The following SEPTIN6 variants were observed in gnomAD, a reference collection of about 807,000 sequenced individuals.
The protein encoded by SEPTIN6 is septin 6, also known as septin-6.
A neutral mutation model predicts 33.6 loss-of-function variants in SEPTIN6; 8 were observed. The ratio of observed to expected loss-of-function variants is 0.24; its 90% CI spans 0.14 to 0.43. SEPTIN6 has a LOEUF of 0.43. Among genes scored for constraint, SEPTIN6 ranks in the 20% least tolerant of loss-of-function variants. SEPTIN6 has a pLI of 1.00. For missense variants in SEPTIN6, 250 were observed against 340.8 expected (o/e 0.73, Z 2.10); for synonymous variants, 131 against 140.0 (o/e 0.94, Z 0.45).
chrX:119,677,641 A>C (rs2054862839), intron 1 of SEPTIN6, among the ~76,000 whole-genome samples: 1 of 112,326 alleles, frequency 8.9e-6, no homozygotes, highest in South Asian at 3.6e-4. Flanking sequence ...GTCCATAATA[A>C]GGGCACATTT....
intron 2 of SEPTIN6, among the ~76,000 whole-genome samples, chrX:119,668,726 G>A (rs190849030): frequency 2.1e-4 from 23 of 111,922 alleles, no homozygotes; most frequent in South Asian, 1.5e-3. Flanking sequence ...GTTGAAGCAG[G>A]AGGATCAGTT....
intron 7 of SEPTIN6, among the ~76,000 whole-genome samples, chrX:119,634,692 T>C (rs939411678): frequency 1.6e-4 from 18 of 111,718 alleles, no homozygotes; most frequent in Non-Finnish European, 2.6e-4. Flanking sequence ...AAGGATAGAC[T>C]GTCCATCAAT....
intron 3 of SEPTIN6, among the ~76,000 whole-genome samples, chrX:119,658,375 TC>T (rs2054488738): frequency 8.9e-6 from 1 of 112,048 alleles, no homozygotes; most frequent in Non-Finnish European, 1.9e-5. Context: ...TCTACCTCAT[TC>T]TATTAAACTG....
intron 1 of SEPTIN6, among the ~76,000 whole-genome samples, chrX:119,677,729 C>T (rs751832047): frequency 5.3e-5 from 6 of 112,596 alleles, no homozygotes; most frequent in Non-Finnish European, 1.1e-4. Context: ...TCCCAGATAG[C>T]CCCTTCACAC....
In SEPTIN6 at chrX:119,650,097, A is replaced by G; in HGVS notation, c.530T>C (p.Val177Ala). The G allele has an allele frequency of 8.3e-7, 1 of 1,210,022 alleles. No individual in the cohort carries two copies. Among genetic ancestry groups the G allele is most frequent in the Non-Finnish European group, 1.1e-6 (1 of 894,378 alleles). The change falls in exon 5 of 11, where the codon GTG (valine) becomes GCG (alanine). Residue 177 changes from valine (V) to alanine (A), a missense_variant and splice_region_variant. Val to Ala is a moderately conservative substitution (Grantham distance 64). Transcript: ENST00000394610. ...TTTGGCAATGATGGGGATGATGTTC[A>G]CCTAGGGAGAGGAGGGGCAAAGTGG... ...LVTMKKLDSKVNIIPIIAKAD... is the reference protein window; with the variant it reads ...LVTMKKLDSKANIIPIIAKAD...
chrX:119,620,806 C>T (rs1569417442), intron 10 of SEPTIN6, among the ~76,000 whole-genome samples: 1 of 108,702 alleles, frequency 9.2e-6, no homozygotes, highest in Non-Finnish European at 1.9e-5. Flanking sequence ...TTTTTAGTAG[C>T]GACGGGGGTT....
At chrX:119,663,369 G>C in intron 3 of SEPTIN6, 113 bp downstream of exon 3, 1 of 625,543 alleles carries the variant, frequency 1.6e-6, no homozygotes, top group Non-Finnish European at 2.5e-6. Context: ...ACCATTCTGG[G>C]AGGACAGGCT....
intron 3 of SEPTIN6, among the ~76,000 whole-genome samples, chrX:119,655,348 T>C (rs1454697616): frequency 9.1e-6 from 1 of 110,155 alleles, no homozygotes; most frequent in African/African-American, 3.3e-5. Flanking sequence ...CTGCTCTGCA[T>C]TCCCTCCACC....
intron 10 of SEPTIN6, among the ~76,000 whole-genome samples, chrX:119,621,446 G>GGTGGGTGTGTGT (rs2053760146): frequency 1.6e-5 from 1 of 63,483 alleles, no homozygotes; most frequent in Non-Finnish European, 2.9e-5. Flanking sequence ...GCCCAGAGCT[G>GGTGGGTGTGTGT]GTGTGTGTGT....
rs1026814301 is a variant in SEPTIN6 at position 119,618,507 on chromosome X, T to C, written c.*1586A>G. The C allele has an allele frequency of 2.2e-6, 2 of 930,010 alleles. No individual in the cohort carries two copies. The highest frequency in any genetic ancestry group is 2.7e-6 in the Non-Finnish European group (2 of 750,117). The allele number at this position is 930,010 out of a possible 1,213,427, so 76.6% of individuals were successfully genotyped here. ...AATTTGGCATAACCTTGTTTGACTG[T>C]GTGCTTTGAAAGTAAGTGATCAAAA... On this transcript the variant is annotated 3_prime_UTR_variant, in exon 11 of 11. Transcript: ENST00000394610.
At position 119,629,467 on chromosome X, in the gene SEPTIN6, G is replaced by A. The variant is rs140666057; in HGVS notation, c.1131C>T (p.Asp377=). The A allele has an allele frequency of 4.2e-5, 51 of 1,209,292 alleles. 1 individual carries two copies. In the African/African-American group the frequency reaches 7.4e-4, roughly 17 times the overall value. The change falls in exon 9 of 11, where the codon GAC becomes GAT. Residue 377 remains aspartate (D), a synonymous_variant. Coordinates refer to ENST00000394610, the MANE Select transcript of SEPTIN6 (RefSeq NM_145799.4). The stretch of plus-strand genomic sequence containing the variant: ...TCTTATCCTCCAGTTTCTTCTTCTC[G>A]TCCTGGTGCAGTTTCTTCAGACGGT... ...KFDRLKKLHQ[D]EKKKLEDKKK... is the part of the protein sequence containing the mutation.
chrX:119,617,990 C>T lies in SEPTIN6; in HGVS notation c.*2103G>A, dbSNP rs1004051483. ...GTTTGTAATGCAAATAATTACCGGG[C>T]GGCGGTGTGGGGAAGTGGTGGTTAC... On this transcript the variant is annotated 3_prime_UTR_variant, in exon 11 of 11. Coordinates refer to ENST00000394610, the MANE Select transcript of SEPTIN6 (RefSeq NM_145799.4). The T allele has an allele frequency of 3.7e-6, 3 of 800,484 alleles. No homozygotes were observed. Among genetic ancestry groups the T allele is most frequent in the Non-Finnish European group, 3.0e-6 (2 of 669,133 alleles). The allele number at this position is 800,484 out of a possible 1,213,427, so 66.0% of individuals were successfully genotyped here. A position where few individuals can be genotyped will look rare whatever the true frequency, so the allele number is the denominator to read the frequency against.
chrX:119,636,994 G>T, intron 7 of SEPTIN6, 33 bp downstream of exon 7: 1 of 1,183,289 alleles, frequency 8.5e-7, no homozygotes, highest in South Asian at 1.9e-5. Flanking sequence ...AGCTGAGCTG[G>T]GCTGGGCTGG....
At position 119,660,064 on chromosome X, in the gene SEPTIN6, G is replaced by T. The variant is rs755970080; in HGVS notation, c.341+3418C>A. Among the ~76,000 whole-genome samples the T allele has an allele frequency of 6.5e-5, 7 of 106,891 alleles. No individual in the cohort carries two copies. The South Asian group carries it at 2.8e-3, about 43-fold the overall frequency. The allele number at this position is 106,891 out of a possible 115,157, so 92.8% of individuals were successfully genotyped here. A position where few individuals can be genotyped will look rare whatever the true frequency, so the allele number is the denominator to read the frequency against. ...ATTTTTTGTATTTTTAGTAGAGACG[G>T]GGGTTTCACCATGTTGGCCAGGCTG... On this transcript the variant is annotated intron_variant, in intron 3 of 10. Coordinates refer to ENST00000394610, the MANE Select transcript of SEPTIN6 (RefSeq NM_145799.4).
chrX:119,680,938 G>A (rs1007018808), intron 1 of SEPTIN6, among the ~76,000 whole-genome samples: 28 of 103,626 alleles, frequency 2.7e-4, no homozygotes, highest in Admixed American at 2.1e-3. Context: ...CCGAGATCAC[G>A]CCACTGCACT....
rs530699310 is a variant in SEPTIN6 at position 119,638,882 on chromosome X, A to G, written c.788-1687T>C. On this transcript the variant is annotated intron_variant, in intron 6 of 10. Transcript: ENST00000394610. ...AGCGGAACAGTCAACTTAGACTTAC[A>G]AGAAAAACTTTCAAAACCCCCTTTT... Among the ~76,000 whole-genome samples, 3 of 112,307 alleles carry G rather than the reference A, an allele frequency of 2.7e-5. No homozygotes were observed. The South Asian group carries it at 1.1e-3, about 41-fold the overall frequency.
intron 5 of SEPTIN6, among the ~76,000 whole-genome samples, chrX:119,648,137 G>GC (rs1167421936): frequency 9.1e-6 from 1 of 109,640 alleles, no homozygotes; most frequent in East Asian, 2.8e-4. Context: ...TTGAGGTTGA[G>GC]CCTACCCTAG....
intron 1 of SEPTIN6, 74 bp from the exon 2 acceptor site, chrX:119,675,742 T>C (rs1434312387): frequency 3.4e-6 from 2 of 582,618 alleles, no homozygotes; most frequent in African/African-American, 4.8e-5. Context: ...TCCATCCAAA[T>C]GTTCGCTGTG....
downstream of SEPTIN6, chrX:119,616,697 TCTC>T (rs756081787): frequency 3.3e-5 from 40 of 1,195,278 alleles, no homozygotes; most frequent in Non-Finnish European, 4.3e-5. Context: ...ATGGCAGTCT[TCTC>T]CTTTAGACTT....
Sources: gnomAD v4.1 joint callset for allele counts (sites outside exome capture counted in the v4.1 genomes callset) on GRCh38, gnomAD v4.1.1 for gene constraint, MANE v1.5 for transcripts, NCBI Gene and HGNC (gene_info 2026-07-23, HGNC 2026-07-21) for gene names.